Variants in CCSER1 observed in about 807,000 individuals in gnomAD.
CCSER1 encodes the protein coiled-coil serine rich protein 1.
CCSER1 carries 41 observed loss-of-function variants against 82.0 expected under a neutral mutation model. The observed-to-expected ratio is 0.50, with a 90% CI of 0.39 to 0.65. The LOEUF (loss-of-function observed/expected upper bound fraction) is 0.65, where lower values mean the gene tolerates loss of function less well. CCSER1 is among the 30% of genes least tolerant of loss of function. CCSER1 has a pLI of 0.00. For missense variants in CCSER1, 1,119 were observed against 1,064.2 expected, an observed-to-expected ratio of 1.05 and a Z score of -0.72; for synonymous variants, 414 against 383.9, an observed-to-expected ratio of 1.08 and a Z score of -0.92.
At chr4:90,839,116 G>T in intron 8 of CCSER1, 1 of 1,034,422 alleles carries the variant, frequency 9.7e-7, no homozygotes, top group Non-Finnish European at 1.5e-6. Flanking sequence ...CCGAGTTGTC[G>T]CCATAATATT....
chr4:90,789,976 G>T (rs1004065742), intron 7 of CCSER1, among the ~76,000 whole-genome samples: 1 of 152,048 alleles, frequency 6.6e-6, no homozygotes, highest in Non-Finnish European at 1.5e-5. Context: ...CAACAGGAGT[G>T]AGCAATACTT....
intron 1 of CCSER1, among the ~76,000 whole-genome samples, chr4:90,171,600 G>A (rs1731682101): frequency 6.6e-6 from 1 of 151,892 alleles, no homozygotes; most frequent in African/African-American, 2.4e-5. Flanking sequence ...ACATTCCACT[G>A]TGTAAGTCCC....
intron 10 of CCSER1, among the ~76,000 whole-genome samples, chr4:91,375,210 A>G (rs4264793): frequency 0.74 from 112,670 of 152,108 alleles, 41,938 homozygotes; most frequent in East Asian, 0.86. Flanking sequence ...ATTTTGAGGG[A>G]TTCAAAAGTT....
intron 10 of CCSER1, among the ~76,000 whole-genome samples, chr4:91,456,514 C>A (rs1022731372): frequency 1.2e-4 from 18 of 152,088 alleles, no homozygotes; most frequent in African/African-American, 4.1e-4. Context: ...CACTTTCTAA[C>A]TGTATTTTTC....
intron 10 of CCSER1, among the ~76,000 whole-genome samples, chr4:91,139,568 T>G (rs1728826750): frequency 6.6e-6 from 1 of 152,202 alleles, no homozygotes; most frequent in Non-Finnish European, 1.5e-5. Context: ...TCATTGTAGT[T>G]AGGAACTTTG....
At chr4:90,603,285 A>G (rs556925768) in intron 5 of CCSER1, among the ~76,000 whole-genome samples, 46 of 152,192 alleles carry the variant, frequency 3.0e-4, no homozygotes, top group Non-Finnish European at 5.4e-4. Context: ...GATGCTGCAG[A>G]TCTGTACTGC....
chr4:90,851,813 G>T (rs1299779501), intron 8 of CCSER1, among the ~76,000 whole-genome samples: 2 of 152,104 alleles, frequency 1.3e-5, no homozygotes, highest in Non-Finnish European at 2.9e-5. Context: ...TAGCTTAAAT[G>T]TACAGCCATT....
chr4:90,869,433 C>T (rs1561278062), intron 8 of CCSER1, among the ~76,000 whole-genome samples: 1 of 151,982 alleles, frequency 6.6e-6, no homozygotes, highest in Non-Finnish European at 1.5e-5. Flanking sequence ...ATCTAGTTTT[C>T]CCACCACCAT....
At chr4:91,456,929 CTGAG>C (rs996079837) in intron 10 of CCSER1, among the ~76,000 whole-genome samples, 36 of 151,980 alleles carry the variant, frequency 2.4e-4, no homozygotes, top group African/African-American at 8.2e-4. Context: ...ATTTATTGGC[CTGAG>C]TAATTCTTTC....
chr4:90,697,388 T>TA (rs984586664), intron 6 of CCSER1, among the ~76,000 whole-genome samples: 9 of 118,030 alleles, frequency 7.6e-5, no homozygotes, highest in Admixed American at 4.2e-4. Flanking sequence ...TCACATAACA[T>TA]AAAAAACCAA....
At position 91,524,185 on chromosome 4, in the gene CCSER1, G is replaced by A. The variant is rs150994839; in HGVS notation, c.2218-74387G>A. Among the ~76,000 whole-genome samples the A allele has an allele frequency of 3.0e-3, 453 of 152,206 alleles. 1 individual carries two copies. Among genetic ancestry groups the A allele is most frequent in the Admixed American group, 3.1e-3 (47 of 15,280 alleles). Reference sequence around the variant, plus strand: ...TTAAATTGTGAAATGTTTCCACTACGTTGAAGGATATCACTTTAGAAATTT... The same window carrying A: ...TTAAATTGTGAAATGTTTCCACTACATTGAAGGATATCACTTTAGAAATTT... On this transcript the variant is annotated intron_variant, in intron 10 of 10. Coordinates refer to ENST00000509176, the MANE Select transcript of CCSER1 (RefSeq NM_001145065.2).
chr4:90,525,601 T>A (rs1181498015), intron 5 of CCSER1, among the ~76,000 whole-genome samples: 1 of 152,142 alleles, frequency 6.6e-6, no homozygotes, highest in African/African-American at 2.4e-5. Context: ...TTATTTTGAA[T>A]CTTCATTTCT....
intron 10 of CCSER1, among the ~76,000 whole-genome samples, chr4:91,187,528 A>G (rs1404273302): frequency 6.8e-6 from 1 of 148,064 alleles, no homozygotes; most frequent in Non-Finnish European, 1.5e-5. Context: ...TTATGAATGT[A>G]GAAATCAATA....
chr4:91,098,651 C>T (rs770817171), intron 10 of CCSER1, among the ~76,000 whole-genome samples: 1 of 151,888 alleles, frequency 6.6e-6, no homozygotes, highest in African/African-American at 2.4e-5. Context: ...ATGCCATTCT[C>T]CTGCCTCAGC....
At chr4:91,162,860 G>C (rs920770071) in intron 10 of CCSER1, among the ~76,000 whole-genome samples, 4 of 151,872 alleles carry the variant, frequency 2.6e-5, no homozygotes, top group African/African-American at 9.7e-5. Context: ...TATCAATTTT[G>C]TTGATCTTTT....
intron 10 of CCSER1, among the ~76,000 whole-genome samples, chr4:91,171,016 A>T (rs1271515230): frequency 2.0e-5 from 3 of 152,224 alleles, no homozygotes; most frequent in Non-Finnish European, 4.4e-5. Flanking sequence ...GTACTGCTAT[A>T]TAAACATGCA....
At chr4:91,558,552 A>G (rs1762508815) in intron 10 of CCSER1, among the ~76,000 whole-genome samples, 1 of 151,656 alleles carries the variant, frequency 6.6e-6, no homozygotes, top group South Asian at 2.1e-4. Flanking sequence ...CACACTACTG[A>G]TAAAGGCATA....
intron 5 of CCSER1, among the ~76,000 whole-genome samples, chr4:90,596,542 A>G (rs1243955095): frequency 6.6e-6 from 1 of 151,850 alleles, no homozygotes. Context: ...TTCTAGGACA[A>G]TTTAAAGTAT....
chr4:91,073,883 A>C (rs920279390), intron 9 of CCSER1, among the ~76,000 whole-genome samples: 1 of 152,092 alleles, frequency 6.6e-6, no homozygotes, highest in Non-Finnish European at 1.5e-5. Flanking sequence ...CATCCATTAC[A>C]ACTCTCTATA....
Sources: gnomAD v4.1 joint callset for allele counts (sites outside exome capture counted in the v4.1 genomes callset) on GRCh38, gnomAD v4.1.1 for gene constraint, MANE v1.5 for transcripts, NCBI Gene and HGNC (gene_info 2026-07-23, HGNC 2026-07-21) for gene names.